Variants in TANC2 observed in about 807,000 individuals in gnomAD.
TANC2 encodes the protein tetratricopeptide repeat, ankyrin repeat and coiled-coil containing 2.
TANC2 carries 26 observed loss-of-function variants against 210.5 expected under a neutral mutation model. The ratio of observed to expected loss-of-function variants is 0.12; its 90% CI spans 0.09 to 0.17. TANC2 has a LOEUF of 0.17. Ranked by LOEUF, TANC2 falls within the 10% of genes least tolerant of loss-of-function variation. The pLI, the probability that TANC2 is intolerant of heterozygous loss-of-function variation, is 1.00. For missense variants in TANC2, 2,129 were observed against 2,608.9 expected (o/e 0.82, Z 4.01); for synonymous variants, 931 against 967.1 (o/e 0.96, Z 0.69).
chr17:63,176,172 C>T (rs965240227), intron 5 of TANC2, among the ~76,000 whole-genome samples: 1 of 152,202 alleles, frequency 6.6e-6, no homozygotes, highest in African/African-American at 2.4e-5. Flanking sequence ...AACTTTATAA[C>T]TCAGCCATTA....
At chr17:62,998,871 A>T (rs1408934061) in intron 1 of TANC2, among the ~76,000 whole-genome samples, 1 of 152,240 alleles carries the variant, frequency 6.6e-6, no homozygotes, top group African/African-American at 2.4e-5. Context: ...ACCAGCTAAT[A>T]ACATAATGAC....
intron 1 of TANC2, among the ~76,000 whole-genome samples, chr17:62,978,282 G>A (rs911258063): frequency 2.0e-5 from 3 of 152,144 alleles, no homozygotes; most frequent in Non-Finnish European, 4.4e-5. Context: ...TTAAAATATT[G>A]TATAATATTA....
chr17:63,335,193 A>G (rs1270386941), intron 11 of TANC2, among the ~76,000 whole-genome samples: 1 of 152,224 alleles, frequency 6.6e-6, no homozygotes, highest in East Asian at 1.9e-4. Flanking sequence ...GATATGATCC[A>G]CAAAGAGGGA....
chr17:63,110,277 A>G (rs1385529667), intron 4 of TANC2, among the ~76,000 whole-genome samples: 3 of 151,554 alleles, frequency 2.0e-5, no homozygotes, highest in Admixed American at 6.6e-5. Flanking sequence ...TGAAAGGTAA[A>G]TTGTGTGGGT....
intron 1 of TANC2, among the ~76,000 whole-genome samples, chr17:63,005,407 A>G (rs1481340579): frequency 6.6e-6 from 1 of 151,936 alleles, no homozygotes; most frequent in African/African-American, 2.4e-5. Context: ...GGTTTTCAAC[A>G]TTGCTTTGGT....
In TANC2 at chr17:63,070,624, T is replaced by G. The variant is rs528032599; in HGVS notation, c.68-3319T>G. On this transcript the variant is annotated intron_variant, in intron 2 of 27. Coordinates refer to ENST00000689528, the Ensembl canonical transcript of TANC2. The stretch of plus-strand genomic sequence containing the variant: ...GCCAAATCTAGGTCACTCCTAGTTT[T>G]TGTAGGGCCCATAATCTAAGAATGG... 1.1e-4 allele frequency among the ~76,000 whole-genome samples: 17 copies of G among 152,304 alleles called. No homozygotes were observed. The South Asian group carries it at 3.1e-3, about 28-fold the overall frequency.
chr17:63,059,342 A>G (rs1216988043), intron 2 of TANC2, among the ~76,000 whole-genome samples: 3 of 152,202 alleles, frequency 2.0e-5, no homozygotes, highest in African/African-American at 2.4e-5. Context: ...ATTGACAGCT[A>G]TATTCAGAAG....
chr17:63,409,077 G>A (rs1393511315), intron 21 of TANC2, among the ~76,000 whole-genome samples: 1 of 152,182 alleles, frequency 6.6e-6, no homozygotes, highest in African/African-American at 2.4e-5. Flanking sequence ...ATGAAAGGGT[G>A]GGTGGAGAAT....
At chr17:63,180,809 A>C (rs1486712358) in intron 5 of TANC2, among the ~76,000 whole-genome samples, 1 of 152,080 alleles carries the variant, frequency 6.6e-6, no homozygotes, top group Non-Finnish European at 1.5e-5. Context: ...GAATCACCTG[A>C]GGTCAGGAGT....
intron 1 of TANC2, among the ~76,000 whole-genome samples, chr17:63,007,086 G>T (rs957473005): frequency 1.3e-5 from 2 of 151,902 alleles, no homozygotes. Flanking sequence ...AAAATTAGTG[G>T]TGTGTGGGAG....
chr17:63,241,460 T>C (rs1281889183), intron 8 of TANC2, among the ~76,000 whole-genome samples: 1 of 152,182 alleles, frequency 6.6e-6, no homozygotes, highest in Admixed American at 6.5e-5. Flanking sequence ...CCAGGGCCCA[T>C]GGGCCAAGTT....
chr17:63,232,243 G>A (rs571929429), intron 7 of TANC2, among the ~76,000 whole-genome samples: 1 of 152,294 alleles, frequency 6.6e-6, no homozygotes, highest in South Asian at 2.1e-4. Context: ...ACCTTCTGAA[G>A]TCTACTTCTG....
rs535379572 is a variant in TANC2 at position 63,299,678 on chromosome 17, A to G, written c.1160-14710A>G. ...TTTAAGTTCCTTGTAGATTCTGGGT[A>G]TTAGACTTTTGTCAGATGGATCGAT... On this transcript the variant is annotated intron_variant, in intron 9 of 27. Coordinates refer to ENST00000689528, the Ensembl canonical transcript of TANC2. 2.0e-5 allele frequency among the ~76,000 whole-genome samples: 3 copies of G among 151,718 alleles called. No individual in the cohort carries two copies. The East Asian group carries it at 5.8e-4, about 30-fold the overall frequency.
chr17:62,969,895 C>T (rs1431976937), intron 1 of TANC2, among the ~76,000 whole-genome samples: 1 of 152,054 alleles, frequency 6.6e-6, no homozygotes, highest in Non-Finnish European at 1.5e-5. Flanking sequence ...GGATTAGATG[C>T]CTATGTACAT....
At chr17:63,007,619 T>A (rs1190072081) in intron 1 of TANC2, among the ~76,000 whole-genome samples, 1 of 152,176 alleles carries the variant, frequency 6.6e-6, no homozygotes, top group Non-Finnish European at 1.5e-5. Context: ...TCCTAGAGAT[T>A]ACTACATGAG....
intron 7 of TANC2, among the ~76,000 whole-genome samples, chr17:63,220,902 A>G (rs1246883774): frequency 6.6e-6 from 1 of 151,484 alleles, no homozygotes; most frequent in Admixed American, 6.6e-5. Flanking sequence ...ATCCATACAC[A>G]AAAGAAAAAA....
exon 14 of TANC2, chr17:63,355,283 C>G (rs374748633): frequency 1.2e-6 from 2 of 1,613,212 alleles, no homozygotes; most frequent in South Asian, 2.2e-5. Context: ...TCTCCATGTT[C>G]CTAATCAAGC....
chr17:63,086,746 C>G (rs918292887), intron 3 of TANC2, among the ~76,000 whole-genome samples: 6 of 152,122 alleles, frequency 3.9e-5, no homozygotes, highest in Non-Finnish European at 7.3e-5. Context: ...TTTTCTCTTA[C>G]AAGAGGTTTG....
At chr17:63,270,883 ATT>A (rs1180259577) in intron 9 of TANC2, among the ~76,000 whole-genome samples, 1 of 152,012 alleles carries the variant, frequency 6.6e-6, no homozygotes, top group East Asian at 1.9e-4. Context: ...CGTTCTCATC[ATT>A]TAGCTCCCAC....
Sources: allele counts gnomAD v4.1 joint callset (sites outside exome capture counted in the v4.1 genomes callset), GRCh38; gene constraint gnomAD v4.1.1; transcripts MANE v1.5; gene names NCBI Gene and HGNC (gene_info 2026-07-23, HGNC 2026-07-21).